EYS: variants seen among roughly 807,000 people sequenced by gnomAD.
The protein encoded by EYS is protein eyes shut homolog.
A neutral mutation model predicts 282.1 loss-of-function variants in EYS; 250 were observed. That is an observed-to-expected ratio of 0.89 (90% CI 0.80 to 0.98). The LOEUF (loss-of-function observed/expected upper bound fraction) is 0.98. Ranked by LOEUF, EYS falls within the 50% of genes least tolerant of loss-of-function variation. The pLI is 0.00. For synonymous variants in EYS, 1,355 were observed against 1,282.9 expected (o/e 1.06, Z -1.20); for missense variants, 4,016 against 3,709.0 (o/e 1.08, Z -2.15).
rs754331750 is a variant in EYS at position 64,367,987 on chromosome 6, T to C, written c.6078+20703A>G. 5.5e-4 allele frequency among the ~76,000 whole-genome samples: 84 copies of C among 152,128 alleles called. 1 individual carries two copies. The highest frequency in any genetic ancestry group is 4.7e-4 in the Non-Finnish European group (32 of 68,018). The stretch of plus-strand genomic sequence containing the variant: ...GTTCAGGCATACATATACATGTTTG[T>C]TATATAGGTAAATTGTGTGTGGTGG... On this transcript the variant is annotated intron_variant, in intron 29 of 42. Coordinates refer to ENST00000503581, the MANE Select transcript of EYS (RefSeq NM_001142800.2).
intron 2 of EYS, among the ~76,000 whole-genome samples, chr6:65,632,423 T>A (rs1170887623): frequency 1.3e-5 from 2 of 152,148 alleles, no homozygotes; most frequent in Non-Finnish European, 2.9e-5. Context: ...AACGTATGCA[T>A]GTAAGAAATC....
chr6:64,439,958 A>G (rs1314184616), intron 26 of EYS, among the ~76,000 whole-genome samples: 2 of 151,576 alleles, frequency 1.3e-5, no homozygotes, highest in African/African-American at 4.8e-5. Flanking sequence ...TTATTTTTGA[A>G]TAAGTTGTTA....
intron 31 of EYS, among the ~76,000 whole-genome samples, chr6:64,204,452 A>G (rs1765558975): frequency 6.6e-6 from 1 of 152,180 alleles, no homozygotes; most frequent in Non-Finnish European, 1.5e-5. Flanking sequence ...AAAATACAGG[A>G]TACTGGAAGT....
At chr6:65,560,374 T>C (rs1388507638) in intron 2 of EYS, among the ~76,000 whole-genome samples, 1 of 146,496 alleles carries the variant, frequency 6.8e-6, no homozygotes, top group Non-Finnish European at 1.5e-5. Context: ...AAATAATACA[T>C]TATTATATAT....
intron 2 of EYS, among the ~76,000 whole-genome samples, chr6:65,504,775 AATT>A (rs1043653604): frequency 2.8e-4 from 42 of 151,696 alleles, no homozygotes; most frequent in African/African-American, 9.6e-4. Flanking sequence ...TAAATAAAAA[AATT>A]ATTATTCTTT....
At chr6:65,626,148 C>T (rs1324437107) in intron 2 of EYS, among the ~76,000 whole-genome samples, 1 of 152,084 alleles carries the variant, frequency 6.6e-6, no homozygotes, top group Non-Finnish European at 1.5e-5. Flanking sequence ...TTTGAACCTC[C>T]TAGACGATGA....
intron 5 of EYS, among the ~76,000 whole-genome samples, chr6:65,419,307 A>G (rs578174403): frequency 1.3e-5 from 2 of 152,092 alleles, no homozygotes; most frequent in East Asian, 3.9e-4. Context: ...TTATAATTTG[A>G]TTATATGTGT....
chr6:65,572,758 T>C (rs915233201), intron 2 of EYS, among the ~76,000 whole-genome samples: 3 of 152,132 alleles, frequency 2.0e-5, no homozygotes, highest in African/African-American at 7.2e-5. Context: ...AATGTGTACC[T>C]TTTGCTAAGC....
chr6:64,652,444 A>C (rs2149879334), intron 22 of EYS, among the ~76,000 whole-genome samples: 1 of 152,282 alleles, frequency 6.6e-6, no homozygotes, highest in Non-Finnish European at 1.5e-5. Context: ...TTTCTACCTG[A>C]CAAAAAATGG....
chr6:64,788,487 AC>A (rs1774088457), intron 22 of EYS, among the ~76,000 whole-genome samples: 1 of 152,100 alleles, frequency 6.6e-6, no homozygotes, highest in Admixed American at 6.6e-5. Context: ...CCAGAGAAAA[AC>A]TTTTCAAAAT....
intron 16 of EYS, among the ~76,000 whole-genome samples, chr6:64,911,934 G>C (rs1768006895): frequency 6.6e-6 from 1 of 152,164 alleles, no homozygotes; most frequent in Non-Finnish European, 1.5e-5. Flanking sequence ...CCTGGCTTCA[G>C]ATACGGCTGG....
intron 12 of EYS, among the ~76,000 whole-genome samples, chr6:65,180,178 T>A (rs914710174): frequency 3.9e-5 from 6 of 152,000 alleles, no homozygotes; most frequent in Non-Finnish European, 5.9e-5. Flanking sequence ...CCACTCCTAT[T>A]CAACATACTG....
intron 33 of EYS, among the ~76,000 whole-genome samples, chr6:64,005,301 C>G (rs1467098953): frequency 6.6e-6 from 1 of 152,038 alleles, no homozygotes; most frequent in African/African-American, 2.4e-5. Flanking sequence ...AAGTTCTTTG[C>G]CCACTTTTTA....
intron 18 of EYS, among the ~76,000 whole-genome samples, chr6:64,889,591 C>A (rs1767214593): frequency 6.6e-6 from 1 of 151,968 alleles, no homozygotes; most frequent in Admixed American, 6.6e-5. Flanking sequence ...TTTACTAGTT[C>A]CCCAAATTAA....
chr6:64,174,034 T>C (rs1256396040), intron 31 of EYS, among the ~76,000 whole-genome samples: 1 of 152,196 alleles, frequency 6.6e-6, no homozygotes, highest in Non-Finnish European at 1.5e-5. Flanking sequence ...TGGGTGAACC[T>C]GGAGGACTAT....
intron 29 of EYS, among the ~76,000 whole-genome samples, chr6:64,345,220 C>A (rs1253207656): frequency 2.6e-5 from 4 of 152,104 alleles, no homozygotes; most frequent in African/African-American, 7.2e-5. Context: ...CATATGGAAC[C>A]AAAAAAGAGC....
chr6:64,697,756 A>T (rs1333996866), intron 22 of EYS, among the ~76,000 whole-genome samples: 1 of 152,020 alleles, frequency 6.6e-6, no homozygotes, highest in Non-Finnish European at 1.5e-5. Context: ...AACCTGGCTA[A>T]CACTGTGAAA....
chr6:63,734,147 G>T (rs1034980048), intron 41 of EYS, among the ~76,000 whole-genome samples: 2 of 152,022 alleles, frequency 1.3e-5, no homozygotes, highest in Non-Finnish European at 2.9e-5. Context: ...TGGGAGTAAG[G>T]GTTGAAAAAC....
intron 12 of EYS, among the ~76,000 whole-genome samples, chr6:65,216,829 T>C (rs1766326379): frequency 6.6e-6 from 1 of 152,088 alleles, no homozygotes; most frequent in East Asian, 1.9e-4. Flanking sequence ...TTATTTTTGA[T>C]GATATGCTTT....
Sources: gnomAD v4.1 joint callset for allele counts (sites outside exome capture counted in the v4.1 genomes callset) on GRCh38, gnomAD v4.1.1 for gene constraint, MANE v1.5 for transcripts, NCBI Gene and HGNC (gene_info 2026-07-23, HGNC 2026-07-21) for gene names.